PEX16: variants seen among roughly 807,000 people sequenced by gnomAD.
The protein encoded by PEX16 is peroxin 16.
A neutral mutation model predicts 50.5 loss-of-function variants in PEX16; 37 were observed. The ratio of observed to expected loss-of-function variants is 0.73; its 90% CI spans 0.56 to 0.96. The LOEUF (loss-of-function observed/expected upper bound fraction) is 0.96, where lower values mean the gene tolerates loss of function less well. PEX16 is among the 40% of genes least tolerant of loss of function. PEX16 has a pLI of 0.00. For synonymous variants in PEX16, 185 were observed against 190.3 expected, an observed-to-expected ratio of 0.97 and a Z score of 0.23; for missense variants, 401 against 438.3, an observed-to-expected ratio of 0.91 and a Z score of 0.76.
In PEX16 at chr11:45,917,682, CA is replaced by C; in HGVS notation, c.112+17del. On this transcript the variant is annotated intron_variant, in intron 1 of 10. Transcript: ENST00000378750. ...AGGTCAGGGCCCAGAAGGAACTGATCAAAGGTCAGGGTGGCACCTGCCAGCA... is the reference window on the plus strand; with the variant it reads ...AGGTCAGGGCCCAGAAGGAACTGATCAAGGTCAGGGTGGCACCTGCCAGCA... 1 of 1,546,056 alleles carries C rather than the reference CA, an allele frequency of 6.5e-7. No individual in the cohort carries two copies. The highest frequency in any genetic ancestry group is 1.2e-5 in the South Asian group (1 of 84,320).
Position 45,915,703 on chromosome 11 carries a change from T to C in PEX16, c.359A>G (p.Lys120Arg), listed in dbSNP as rs1431364536. Reference protein sequence around the residue: ...WLVIALVQLAKAVLRMLLLLW... With the variant: ...WLVIALVQLARAVLRMLLLLW... The stretch of plus-strand genomic sequence containing the variant: ...GACCCTCTCCACAATCCCAACCTAC[T>C]TGGCCAGCTGGACGAGGGCGATGAC... The change falls in exon 4 of 11, where the codon AAG becomes AGG. Residue 120 changes from lysine to arginine, a missense_variant and splice_region_variant. Coordinates refer to ENST00000378750, the MANE Select transcript of PEX16 (RefSeq NM_004813.4). 2 of 1,614,106 alleles carry C rather than the reference T, an allele frequency of 1.2e-6. No homozygotes were observed. The highest frequency in any genetic ancestry group is 1.7e-6 in the Non-Finnish European group (2 of 1,179,998).
chr11:45,916,353 C>T lies in PEX16; in HGVS notation c.149-50G>A, dbSNP rs919604997. The T allele has an allele frequency of 2.2e-6, 3 of 1,362,342 alleles. No individual in the cohort carries two copies. The Admixed American group carries it at 5.0e-5, about 23-fold the overall frequency. 84.4% of individuals were successfully genotyped at this position (1,362,342 alleles called of 1,614,324 possible). A position where few individuals can be genotyped will look rare whatever the true frequency, so the allele number is the denominator to read the frequency against. On this transcript the variant is annotated intron_variant, in intron 2 of 10. Transcript: ENST00000378750. ...GAGGCTGGCTCTGCAGCCTCCATCC[C>T]TCTCACCTTCTCCCCAGAGCTGCAG...
At chr11:45,911,536 T>C (rs1444478678) in intron 9 of PEX16, among the ~76,000 whole-genome samples, 1 of 152,224 alleles carries the variant, frequency 6.6e-6, no homozygotes, top group African/African-American at 2.4e-5. Context: ...TGACAATACA[T>C]AGCGCTACGT....
At chr11:45,915,982 C>T in intron 3 of PEX16, 146 bp from the exon 4 acceptor site, 1 of 855,266 alleles carries the variant, frequency 1.2e-6, no homozygotes, top group Non-Finnish European at 2.0e-6. Context: ...CAAACACCAA[C>T]TCCACCATTA....
In PEX16 at chr11:45,915,475, C is replaced by G; in HGVS notation, c.453G>C (p.Gln151His). The G allele has an allele frequency of 6.2e-7, 1 of 1,613,846 alleles. No individual in the cohort carries two copies. The highest frequency in any genetic ancestry group is 8.5e-7 in the Non-Finnish European group (1 of 1,179,722). ...CTTGGGGAAGTAGCTCACCCGGGGG[C>G]TGTGCCTGGGTCTCTCTGTCCAGTG... is the stretch of plus-strand genomic sequence containing the variant. Reference protein sequence around the residue: ...IVPLDRETQAQPPDGDHSPGN... With the variant: ...IVPLDRETQAHPPDGDHSPGN... The change falls in exon 5 of 11, where the codon CAG (glutamine) becomes CAC (histidine). Residue 151 changes from glutamine to histidine, a missense_variant. Gln to His is a conservative substitution (Grantham distance 24). Transcript: ENST00000378750.
Position 45,910,176 on chromosome 11 carries a change from C to G in PEX16, c.*78G>C. 1.2e-6 allele frequency: 2 copies of G among 1,612,280 alleles called. No individual in the cohort carries two copies. Among genetic ancestry groups the G allele is most frequent in the South Asian group, 1.1e-5 (1 of 91,014 alleles). ...GGCACGGAGAGGCCGCACGCTGGGA[C>G]GCTGCCGGAGTCAGTTTTATTAGGG... On this transcript the variant is annotated 3_prime_UTR_variant, in exon 11 of 11. Transcript: ENST00000378750.
chr11:45,917,798 C>A lies in PEX16; in HGVS notation c.14G>T (p.Arg5Leu). The change falls in exon 1 of 11, where the codon CGG (arginine) becomes CTG (leucine). Residue 5 changes from arginine (R) to leucine (L), a missense_variant. By Grantham distance (102) the Arg-to-Leu change is moderately radical. Coordinates refer to ENST00000378750, the MANE Select transcript of PEX16 (RefSeq NM_004813.4). ...CTCCTGGTAGCGGAGGCCCAGGAGC[C>A]GCAGCTTCTCCATCCTGCCCTCGGC... Reference protein sequence around the residue: MEKLRLLGLRYQEYV... With the variant: MEKLLLLGLRYQEYV... 6.5e-7 allele frequency: 1 copy of A among 1,543,150 alleles called. No individual in the cohort carries two copies. Among genetic ancestry groups the A allele is most frequent in the South Asian group, 1.2e-5 (1 of 84,112 alleles).
Position 45,917,690 on chromosome 11 carries a change from A to C in PEX16, c.112+10T>G, listed in dbSNP as rs1229473660. ...GCCCAGAAGGAACTGATCAAAGGTC[A>C]GGGTGGCACCTGCCAGCAGGTAACT... is the stretch of plus-strand genomic sequence containing the variant. On this transcript the variant is annotated intron_variant, in intron 1 of 10. Transcript: ENST00000378750. 2 of 1,551,110 alleles carry C rather than the reference A, an allele frequency of 1.3e-6. No homozygotes were observed. The highest frequency in any genetic ancestry group is 2.4e-5 in the South Asian group (2 of 84,480).
chr11:45,909,896 C>T lies in PEX16; in HGVS notation c.*358G>A, dbSNP rs2086757084. 1.6e-6 allele frequency: 1 copy of T among 617,980 alleles called. No homozygotes were observed. Among genetic ancestry groups the T allele is most frequent in the Admixed American group, 2.6e-5 (1 of 38,856 alleles). The allele number at this position is 617,980 out of a possible 1,614,324, so 38.3% of individuals were successfully genotyped here. On this transcript the variant is annotated 3_prime_UTR_variant, in exon 11 of 11. Transcript: ENST00000378750. Reference sequence around the variant, plus strand: ...CATCACCCGGGTTCAGGCTTCCTGTCCTCACCAGGGGCCAGCGAGAGAGCA... The same window carrying T: ...CATCACCCGGGTTCAGGCTTCCTGTTCTCACCAGGGGCCAGCGAGAGAGCA...
chr11:45,911,012 C>G (rs771485445), intron 9 of PEX16, 50 bp from the exon 10 acceptor site: 12 of 1,323,886 alleles, frequency 9.1e-6, no homozygotes, highest in South Asian at 3.5e-5. Flanking sequence ...GGGGGTGGGT[C>G]CCTGCAAACC....
chr11:45,915,160 C>G (rs1452157599), intron 5 of PEX16, among the ~76,000 whole-genome samples: 47 of 152,358 alleles, frequency 3.1e-4, no homozygotes, highest in Non-Finnish European at 4.4e-5. Context: ...CCTCCTGCCT[C>G]TAGAGGCTAT....
At position 45,910,013 on chromosome 11, in the gene PEX16, C is replaced by T. The variant is rs1001184234; in HGVS notation, c.*241G>A. ...TTTCTGTGGGAGAGGAGCCTGGATCCCACTCCTAGTGAAGGCTTCTTGGCC... is the reference window on the plus strand; with the variant it reads ...TTTCTGTGGGAGAGGAGCCTGGATCTCACTCCTAGTGAAGGCTTCTTGGCC... On this transcript the variant is annotated 3_prime_UTR_variant, in exon 11 of 11. Transcript: ENST00000378750. The T allele has an allele frequency of 4.6e-6, 6 of 1,317,460 alleles. No homozygotes were observed. In the African/African-American group the frequency reaches 8.7e-5, roughly 19 times the overall value. 81.6% of individuals were successfully genotyped at this position (1,317,460 alleles called of 1,614,324 possible). A position where few individuals can be genotyped will look rare whatever the true frequency, so the allele number is the denominator to read the frequency against.
Position 45,917,477 on chromosome 11 carries a change from C to A in PEX16, c.129G>T (p.Ser43=). The A allele has an allele frequency of 6.2e-7, 1 of 1,614,000 alleles. No individual in the cohort carries two copies. The highest frequency in any genetic ancestry group is 8.5e-7 in the Non-Finnish European group (1 of 1,179,990). ...GCTCACCCAGCTCTGACAGCTCGTGCGAATCGGCGAATCGACCTGGGGAGA... is the reference window on the plus strand; with the variant it reads ...GCTCACCCAGCTCTGACAGCTCGTGAGAATCGGCGAATCGACCTGGGGAGA... The part of the protein sequence containing the change: ...SYLLAGRFAD[S]HELSELVYSA... Residue 43 remains serine, a synonymous_variant, in exon 2 of 11, where the codon TCG becomes TCT. Transcript: ENST00000378750.
rs774566539 is a variant in PEX16 at position 45,910,055 on chromosome 11, C to T, written c.*199G>A. On this transcript the variant is annotated 3_prime_UTR_variant, in exon 11 of 11. Transcript: ENST00000378750. ...TTCTTGGCCCAGCAGTGACAAGGTG[C>T]GGGCTGCAGTGGCATCGTCACAGGA... 6 of 1,562,012 alleles carry T rather than the reference C, an allele frequency of 3.8e-6. No individual in the cohort carries two copies. The highest frequency in any genetic ancestry group is 3.3e-5 in the South Asian group (3 of 90,022).
At position 45,909,910 on chromosome 11, in the gene PEX16, AGCGAGAGAGCAG is replaced by A; in HGVS notation, c.*332_*343del. ...AGGCTTCCTGTCCTCACCAGGGGCCAGCGAGAGAGCAGCAGTGTTCGCTCCTATGGCTGCCGA... is the reference window on the plus strand; with the variant it reads ...AGGCTTCCTGTCCTCACCAGGGGCCACAGTGTTCGCTCCTATGGCTGCCGA... On this transcript the variant is annotated 3_prime_UTR_variant, in exon 11 of 11. Transcript: ENST00000378750. 1.6e-6 allele frequency: 1 copy of A among 633,320 alleles called. No individual in the cohort carries two copies. Among genetic ancestry groups the A allele is most frequent in the Admixed American group, 2.4e-5 (1 of 41,430 alleles). 39.2% of individuals were successfully genotyped at this position (633,320 alleles called of 1,614,324 possible).
chr11:45,910,464 C>G, intron 10 of PEX16, 152 bp from the exon 11 acceptor site: 2 of 715,612 alleles, frequency 2.8e-6, no homozygotes, highest in South Asian at 3.0e-5. Context: ...ACTCTGGCAC[C>G]ATTTACAAAG....
At chr11:45,910,818 A>T (rs1423431226) in intron 10 of PEX16, 80 bp downstream of exon 10, 1 of 1,234,466 alleles carries the variant, frequency 8.1e-7, no homozygotes, top group Middle Eastern at 1.9e-4. Flanking sequence ...TCAAATTGCA[A>T]GGAGACAGAG....
At chr11:45,910,788 TCTC>T (rs2134686310) in intron 10 of PEX16, 107 bp downstream of exon 10, 1 of 1,107,056 alleles carries the variant, frequency 9.0e-7, no homozygotes, top group South Asian at 1.2e-5. Flanking sequence ...CCCGACTTCC[TCTC>T]CTGACTGTGC....
At chr11:45,912,287 A>G (rs948095223) in intron 9 of PEX16, among the ~76,000 whole-genome samples, 1 of 152,088 alleles carries the variant, frequency 6.6e-6, no homozygotes, top group Non-Finnish European at 1.5e-5. Context: ...TCACGAGGTC[A>G]GGAGATCGAG....
Sources: gnomAD v4.1 joint callset for allele counts (sites outside exome capture counted in the v4.1 genomes callset) on GRCh38, gnomAD v4.1.1 for gene constraint, MANE v1.5 for transcripts, NCBI Gene and HGNC (gene_info 2026-07-23, HGNC 2026-07-21) for gene names.